The following RPS21 variants were observed in gnomAD, a reference collection of about 807,000 sequenced individuals.
The protein encoded by RPS21 is small ribosomal subunit protein eS21.
RPS21 carries 6 observed loss-of-function variants against 14.5 expected under a neutral mutation model. The ratio of observed to expected loss-of-function variants is 0.41; its 90% CI spans 0.23 to 0.82. The LOEUF (loss-of-function observed/expected upper bound fraction) is 0.82. Among genes scored for constraint, RPS21 ranks in the 40% least tolerant of loss-of-function variants. RPS21 has a pLI of 0.31. For missense variants in RPS21, 85 were observed against 115.0 expected (o/e 0.74, Z 1.19); for synonymous variants, 61 against 42.6 (o/e 1.43, Z -1.69).
intron 4 of RPS21, 94 bp downstream of exon 4, chr20:62,388,008 T>A: frequency 6.2e-7 from 1 of 1,610,806 alleles, no homozygotes; most frequent in Non-Finnish European, 8.5e-7. Context: ...GTAGATCTGC[T>A]GGCAGAGTAG....
At chr20:62,387,700 A>T in intron 3 of RPS21, 26 bp downstream of exon 3, 3 of 1,613,936 alleles carry the variant, frequency 1.9e-6, no homozygotes, top group Non-Finnish European at 2.5e-6. Flanking sequence ...GGGAGGCGGG[A>T]AGGTTGTGAT....
chr20:62,387,748 AG>A (rs1569012211), intron 3 of RPS21, 74 bp downstream of exon 3: 1 of 1,614,012 alleles, frequency 6.2e-7, no homozygotes, highest in South Asian at 1.1e-5. Flanking sequence ...ATTGTGGAGG[AG>A]CCCCTGGGGT....
chr20:62,388,221 G>A (rs1987817985), intron 4 of RPS21, 88 bp from the exon 5 acceptor site: 1 of 1,485,808 alleles, frequency 6.7e-7, no homozygotes. Context: ...GCGGGGGAGA[G>A]ACGTGGGCTG....
At chr20:62,387,979 A>C (rs1987800345) in intron 4 of RPS21, 65 bp downstream of exon 4, 1 of 1,613,844 alleles carries the variant, frequency 6.2e-7, no homozygotes, top group South Asian at 1.1e-5. Flanking sequence ...TGCGCATTGG[A>C]GTGTGTGATG....
In RPS21 at chr20:62,387,652, C is replaced by G; in HGVS notation, c.92C>G (p.Ser31Cys). 2 of 1,614,094 alleles carry G rather than the reference C, an allele frequency of 1.2e-6. No individual in the cohort carries two copies. Among genetic ancestry groups the G allele is most frequent in the African/African-American group, 2.7e-5 (2 of 75,060 alleles). The change falls in exon 3 of 6, where the codon TCC (serine) becomes TGC (cysteine). Residue 31 changes from serine to cysteine, a missense_variant. By Grantham distance (112) the Ser-to-Cys change is moderately radical. Transcript: ENST00000343986. ...NRIIGAKDHA[S>C]IQMNVAEVDK... ...ATCATCGGTGCCAAGGACCACGCAT[C>G]CATCCAGATGAACGTGGCCGAGGTG... is the stretch of plus-strand genomic sequence containing the variant.
rs773353130 is a variant in RPS21, at chr20:62,387,332, C to T, written c.-7C>T. 8 of 1,597,672 alleles carry T rather than the reference C, an allele frequency of 5.0e-6. No homozygotes were observed. Among genetic ancestry groups the T allele is most frequent in the South Asian group, 4.5e-5 (4 of 88,464 alleles). ...CGGTGACTCCCCAGGCGCAGCCCAGCCTCGAAATGCAGAACGACGCCGGCG... is the reference window on the plus strand; with the variant it reads ...CGGTGACTCCCCAGGCGCAGCCCAGTCTCGAAATGCAGAACGACGCCGGCG... On this transcript the variant is annotated 5_prime_UTR_variant, in exon 2 of 6. Transcript: ENST00000343986.
intron 3 of RPS21, 53 bp downstream of exon 3, chr20:62,387,727 C>T: frequency 6.2e-7 from 1 of 1,614,078 alleles, no homozygotes; most frequent in Non-Finnish European, 8.5e-7. Context: ...GCGGGAAAGG[C>T]AGGCTGTCCC....
At chr20:62,388,206 G>C (rs1268016360) in intron 4 of RPS21, 103 bp from the exon 5 acceptor site, 9 of 1,464,090 alleles carry the variant, frequency 6.1e-6, no homozygotes, top group Non-Finnish European at 8.3e-6. Context: ...GTCTCCATTC[G>C]CTCAGCGGGG....
rs1455449148 is a variant in RPS21, at chr20:62,387,770, G to A, written c.115-73G>A. ...AGGAGCCCCTGGGGTGAAGGTACAG[G>A]CAGAGGCTGGCTTTGAGGATTGGTG... On this transcript the variant is annotated intron_variant, in intron 3 of 5. Transcript: ENST00000343986. 1.9e-6 allele frequency: 3 copies of A among 1,613,902 alleles called. No homozygotes were observed. In the Admixed American group the frequency reaches 5.0e-5, roughly 27 times the overall value.
intron 4 of RPS21, 132 bp from the exon 5 acceptor site, chr20:62,388,177 T>G: frequency 1.4e-6 from 2 of 1,455,786 alleles, no homozygotes; most frequent in Non-Finnish European, 1.8e-6. Flanking sequence ...CCGGGAGAGG[T>G]GGCTCCCCTT....
At chr20:62,388,230 T>C in intron 4 of RPS21, 79 bp from the exon 5 acceptor site, 1 of 1,504,116 alleles carries the variant, frequency 6.6e-7, no homozygotes. Flanking sequence ...AGACGTGGGC[T>C]GGTGGCACAG....
At chr20:62,387,730 G>GCTGT in intron 3 of RPS21, 56 bp downstream of exon 3, 1 of 1,614,100 alleles carries the variant, frequency 6.2e-7, no homozygotes, top group Non-Finnish European at 8.5e-7. Context: ...GGAAAGGCAG[G>GCTGT]CTGTCCCATT....
intron 1 of RPS21, 72 bp from the exon 2 acceptor site, chr20:62,387,234 TGGGGCCGTGACCCTA>T: frequency 1.0e-6 from 1 of 966,120 alleles, no homozygotes; most frequent in South Asian, 1.5e-5. Context: ...TGGGTGCGGC[TGGGGCCGTGACCCTA>T]GGGGCCGGTT....
rs1313423016 is a variant in RPS21 at position 62,387,257 on chromosome 20, G to A, written c.-18-64G>A. 6 of 1,344,566 alleles carry A rather than the reference G, an allele frequency of 4.5e-6. No individual in the cohort carries two copies. In the African/African-American group the frequency reaches 7.2e-5, roughly 16 times the overall value. 83.3% of individuals were successfully genotyped at this position (1,344,566 alleles called of 1,614,324 possible). On this transcript the variant is annotated intron_variant, in intron 1 of 5. Coordinates refer to ENST00000343986, the MANE Select transcript of RPS21 (RefSeq NM_001024.4). Reference sequence around the variant, plus strand: ...GCTGGGGCCGTGACCCTAGGGGCCGGTTTGCGCCGGGAGCCGGGGCACGGT... The same window carrying A: ...GCTGGGGCCGTGACCCTAGGGGCCGATTTGCGCCGGGAGCCGGGGCACGGT...
intron 2 of RPS21, 49 bp downstream of exon 2, chr20:62,387,437 T>C (rs757107603): frequency 3.7e-5 from 59 of 1,602,282 alleles, no homozygotes; most frequent in Admixed American, 3.4e-5. Context: ...AACCACCACG[T>C]CCCCTCGCCT....
chr20:62,388,285 G>C (rs1987822000), intron 4 of RPS21, 24 bp from the exon 5 acceptor site: 1 of 1,576,470 alleles, frequency 6.3e-7, no homozygotes, highest in Non-Finnish European at 8.6e-7. Flanking sequence ...AATATTCTTA[G>C]TGTGCTTTTT....
intron 4 of RPS21, 177 bp from the exon 5 acceptor site, chr20:62,388,132 G>GC (rs1491051115): frequency 2.0e-5 from 30 of 1,488,738 alleles, no homozygotes; most frequent in South Asian, 5.1e-5. Flanking sequence ...GTGCCCCCCC[G>GC]ACCCCGCTCC....
In RPS21 at chr20:62,387,596, G is replaced by A. The variant is rs758362768; in HGVS notation, c.51-15G>A. 2 of 1,608,554 alleles carry A rather than the reference G, an allele frequency of 1.2e-6. No homozygotes were observed. The highest frequency in any genetic ancestry group is 1.7e-4 in the Middle Eastern group (1 of 6,044). On this transcript the variant is annotated splice_polypyrimidine_tract_variant and intron_variant, in intron 2 of 5. Transcript: ENST00000343986. ...CGCCCAAGTCCCCTCTGCTCACTGC[G>A]CCCTTTCTCCACAGCTCCGCTAGCA... is the stretch of plus-strand genomic sequence containing the variant.
At chr20:62,387,204 G>A in intron 1 of RPS21, 68 bp downstream of exon 1, 5 of 702,312 alleles carry the variant, frequency 7.1e-6, no homozygotes, top group Non-Finnish European at 1.1e-5. Context: ...CTTGGACGCG[G>A]GGGACGGGGT....
Sources: gnomAD v4.1 joint callset for allele counts on GRCh38, gnomAD v4.1.1 for gene constraint, MANE v1.5 for transcripts, NCBI Gene and HGNC (gene_info 2026-07-23, HGNC 2026-07-21) for gene names.